The following PELI2 variants were observed in gnomAD, a reference collection of about 807,000 sequenced individuals.
The protein encoded by PELI2 is pellino E3 ubiquitin protein ligase family member 2, also known as E3 ubiquitin-protein ligase pellino homolog 2.
Under a neutral mutation model 42.3 loss-of-function variants are expected in PELI2, and 23 were observed. The observed-to-expected ratio is 0.54, with a 90% CI of 0.39 to 0.77. PELI2 has a LOEUF of 0.77. Among genes scored for constraint, PELI2 ranks in the 30% least tolerant of loss-of-function variants. The pLI, the probability that PELI2 is intolerant of heterozygous loss-of-function variation, is 0.00. For missense variants in PELI2, 463 were observed against 553.2 expected, an observed-to-expected ratio of 0.84 and a Z score of 1.64; for synonymous variants, 245 against 212.2, an observed-to-expected ratio of 1.15 and a Z score of -1.34.
intron 2 of PELI2, among the ~76,000 whole-genome samples, chr14:56,185,300 C>T (rs1054245363): frequency 5.3e-5 from 8 of 152,112 alleles, no homozygotes; most frequent in African/African-American, 9.7e-5. Context: ...GTAATTCTGT[C>T]GTTGCAAATA....
chr14:56,186,514 G>T (rs1382255105), intron 2 of PELI2, among the ~76,000 whole-genome samples: 1 of 152,170 alleles, frequency 6.6e-6, no homozygotes, highest in Non-Finnish European at 1.5e-5. Context: ...AACCACAAGA[G>T]AAAACTTATA....
intron 3 of PELI2, among the ~76,000 whole-genome samples, chr14:56,282,527 C>T (rs983164225): frequency 2.0e-5 from 3 of 151,890 alleles, no homozygotes; most frequent in Non-Finnish European, 4.4e-5. Flanking sequence ...AGGTGGTATA[C>T]AGGGAGATAT....
At chr14:56,162,708 C>T (rs1351144033) in intron 1 of PELI2, among the ~76,000 whole-genome samples, 2 of 152,166 alleles carry the variant, frequency 1.3e-5, no homozygotes, top group Non-Finnish European at 2.9e-5. Context: ...AGTGGTTGTA[C>T]TAATTTACAT....
intron 1 of PELI2, among the ~76,000 whole-genome samples, chr14:56,124,907 A>G (rs1595534632): frequency 1.3e-5 from 2 of 152,184 alleles, no homozygotes; most frequent in South Asian, 2.1e-4. Flanking sequence ...ATTGTGAGGG[A>G]TGATGATGGG....
chr14:56,300,835 G>A lies in PELI2; in HGVS notation c.*3669G>A, dbSNP rs953312860. ...GGTTATGATGCGCCTCCTTCTGTGC[G>A]ACCAATGAGACGACTTCAGCATCTT... On this transcript the variant is annotated 3_prime_UTR_variant, in exon 6 of 6. Transcript: ENST00000267460. 2 of 151,976 alleles carry A rather than the reference G, an allele frequency of 1.3e-5. No individual in the cohort carries two copies. Among genetic ancestry groups the A allele is most frequent in the African/African-American group, 2.4e-5 (1 of 41,360 alleles). The allele number at this position is 151,976 out of a possible 1,614,324, so 9.4% of individuals were successfully genotyped here.
At chr14:56,203,449 A>C (rs1030644324) in intron 2 of PELI2, among the ~76,000 whole-genome samples, 2 of 151,902 alleles carry the variant, frequency 1.3e-5, no homozygotes, top group African/African-American at 4.8e-5. Flanking sequence ...CCACACACAT[A>C]CTAGTGTGTG....
intron 2 of PELI2, among the ~76,000 whole-genome samples, chr14:56,201,782 C>T (rs140223724): frequency 6.6e-6 from 1 of 152,128 alleles, no homozygotes; most frequent in Non-Finnish European, 1.5e-5. Context: ...TAATTCCATC[C>T]ATAGTCAATT....
chr14:56,157,217 A>G (rs1360412946), intron 1 of PELI2, among the ~76,000 whole-genome samples: 1 of 152,208 alleles, frequency 6.6e-6, no homozygotes, highest in African/African-American at 2.4e-5. Flanking sequence ...TACTACAGAG[A>G]GGCTCAGAGG....
chr14:56,131,777 T>C (rs1353003544), intron 1 of PELI2, among the ~76,000 whole-genome samples: 1 of 152,220 alleles, frequency 6.6e-6, no homozygotes, highest in Non-Finnish European at 1.5e-5. Flanking sequence ...TCAAAGCTCA[T>C]GCTTTGGGTT....
chr14:56,179,035 AT>A (rs1248209995), intron 2 of PELI2, among the ~76,000 whole-genome samples: 2 of 152,082 alleles, frequency 1.3e-5, no homozygotes, highest in East Asian at 1.9e-4. Flanking sequence ...GACTATACAT[AT>A]TTTTTTCTCA....
intron 1 of PELI2, among the ~76,000 whole-genome samples, chr14:56,135,443 A>G (rs1016322264): frequency 6.6e-6 from 1 of 152,260 alleles, no homozygotes; most frequent in East Asian, 1.9e-4. Flanking sequence ...AAAATGATGC[A>G]GAAATTGCAG....
intron 2 of PELI2, among the ~76,000 whole-genome samples, chr14:56,247,660 A>G (rs1888209644): frequency 6.6e-6 from 1 of 152,310 alleles, no homozygotes; most frequent in African/African-American, 2.4e-5. Flanking sequence ...GGATTAACAC[A>G]AGACAGAATT....
At chr14:56,127,566 C>T (rs1387496579) in intron 1 of PELI2, among the ~76,000 whole-genome samples, 1 of 152,210 alleles carries the variant, frequency 6.6e-6, no homozygotes, top group African/African-American at 2.4e-5. Context: ...CAGAAGATGG[C>T]TCTTGTGTGG....
At chr14:56,214,152 C>T (rs552570920) in intron 2 of PELI2, among the ~76,000 whole-genome samples, 167 of 152,260 alleles carry the variant, frequency 1.1e-3, no homozygotes, top group African/African-American at 3.4e-3. Context: ...TGCGCCTGGC[C>T]ACAGTGGTTG....
In PELI2 at chr14:56,154,950, T is replaced by C. The variant is rs1357876338; in HGVS notation, c.78-23385T>C. ...ATTGGCAAATAATGAAACCTTGCTT[T>C]AATTTGTGTTTTTTTGATTACTAAT... On this transcript the variant is annotated intron_variant, in intron 1 of 5. Coordinates refer to ENST00000267460, the MANE Select transcript of PELI2 (RefSeq NM_021255.3). Among the ~76,000 whole-genome samples the C allele has an allele frequency of 3.3e-5, 5 of 152,370 alleles. No individual in the cohort carries two copies. In the East Asian group the frequency reaches 5.8e-4, roughly 18 times the overall value.
intron 2 of PELI2, among the ~76,000 whole-genome samples, chr14:56,246,993 G>A (rs1451382188): frequency 6.6e-6 from 1 of 152,128 alleles, no homozygotes; most frequent in Admixed American, 6.5e-5. Flanking sequence ...ACCTTTTTAC[G>A]TTGTTGGTCT....
chr14:56,148,800 A>G (rs1043263211), intron 1 of PELI2, among the ~76,000 whole-genome samples: 36 of 152,116 alleles, frequency 2.4e-4, no homozygotes, highest in Admixed American at 2.4e-3. Flanking sequence ...CTTTTCTTAC[A>G]TGTTTGTGAT....
At chr14:56,209,632 G>A (rs1042267034) in intron 2 of PELI2, among the ~76,000 whole-genome samples, 2 of 152,050 alleles carry the variant, frequency 1.3e-5, no homozygotes, top group African/African-American at 4.8e-5. Flanking sequence ...TTATAATATG[G>A]TAAATGCCCA....
intron 1 of PELI2, among the ~76,000 whole-genome samples, chr14:56,172,245 A>C (rs1161613227): frequency 6.6e-6 from 1 of 152,154 alleles, no homozygotes; most frequent in East Asian, 1.9e-4. Flanking sequence ...AGTGTCCATG[A>C]TGGCTTCACT....
Sources: allele counts gnomAD v4.1 joint callset (sites outside exome capture counted in the v4.1 genomes callset), GRCh38; gene constraint gnomAD v4.1.1; transcripts MANE v1.5; gene names NCBI Gene and HGNC (gene_info 2026-07-23, HGNC 2026-07-21).